The following MARCHF1 variants were observed in gnomAD, a reference collection of about 807,000 sequenced individuals.
MARCHF1 encodes E3 ubiquitin-protein ligase MARCHF1.
MARCHF1 carries 40 observed loss-of-function variants against 54.2 expected under a neutral mutation model. The observed-to-expected ratio is 0.74, with a 90% CI of 0.57 to 0.96. MARCHF1 has a LOEUF of 0.96. Ranked by LOEUF, MARCHF1 falls within the 40% of genes least tolerant of loss-of-function variation. The pLI is 0.00. For missense variants in MARCHF1, 586 were observed against 656.5 expected (o/e 0.89, Z 1.17); for synonymous variants, 236 against 236.3 (o/e 1.00, Z 0.01).
rs371959514 is a variant in MARCHF1 at position 164,355,170 on chromosome 4, G to A, written c.-323+28700C>T. Among the ~76,000 whole-genome samples, 38 of 76,314 alleles carry A rather than the reference G, an allele frequency of 5.0e-4. 11 individuals are homozygous for A. The highest frequency in any genetic ancestry group is 4.6e-3 in the East Asian group (9 of 1,948). 50.1% of individuals were successfully genotyped at this position (76,314 alleles called of 152,430 possible). ...CTCATGGGTAGGAAGAACCAATATC[G>A]TGAAAATGGCCATACTGCCCAAGGT... On this transcript the variant is annotated intron_variant, in intron 1 of 9. Coordinates refer to ENST00000514618, the MANE Select transcript of MARCHF1 (RefSeq NM_001394959.1).
intron 3 of MARCHF1, among the ~76,000 whole-genome samples, chr4:163,952,210 T>C (rs566404015): frequency 7.2e-5 from 11 of 152,216 alleles, no homozygotes; most frequent in Non-Finnish European, 1.5e-4. Flanking sequence ...TTGAGTATAG[T>C]AGATGTCATC....
At chr4:163,899,740 C>A (rs4516675) in intron 3 of MARCHF1, among the ~76,000 whole-genome samples, 93,988 of 149,274 alleles carry the variant, frequency 0.63, 30,007 homozygotes, top group Admixed American at 0.68. Context: ...GTAACATATT[C>A]ATAAACTCCC....
chr4:163,737,237 C>CT (rs1204736610), intron 4 of MARCHF1, among the ~76,000 whole-genome samples: 3 of 35,702 alleles, frequency 8.4e-5, no homozygotes, highest in Admixed American at 3.4e-4. Flanking sequence ...TTATTATACT[C>CT]TAAGTTTTAG....
intron 1 of MARCHF1, among the ~76,000 whole-genome samples, chr4:164,239,029 T>G (rs1272681610): frequency 6.6e-6 from 1 of 152,036 alleles, no homozygotes; most frequent in Non-Finnish European, 1.5e-5. Flanking sequence ...TACCTATGGA[T>G]CACCATTGTT....
Position 163,793,443 on chromosome 4 carries a change from C to A in MARCHF1, c.111+60578G>T, listed in dbSNP as rs1274158879. Among the ~76,000 whole-genome samples the A allele has an allele frequency of 2.6e-5, 4 of 152,138 alleles. No homozygotes were observed. The East Asian group carries it at 7.7e-4, about 29-fold the overall frequency. On this transcript the variant is annotated intron_variant, in intron 4 of 9. Coordinates refer to ENST00000514618, the MANE Select transcript of MARCHF1 (RefSeq NM_001394959.1). ...CTCCAATTGTGAGATTTTCCTTACCCTCCCTTGAAACACTAATCAGGATAT... is the reference window on the plus strand; with the variant it reads ...CTCCAATTGTGAGATTTTCCTTACCATCCCTTGAAACACTAATCAGGATAT...
intron 3 of MARCHF1, among the ~76,000 whole-genome samples, chr4:163,879,550 T>C (rs958357923): frequency 6.6e-6 from 1 of 152,232 alleles, no homozygotes; most frequent in Non-Finnish European, 1.5e-5. Flanking sequence ...ATATGTAAAG[T>C]ATCATTTGCT....
At chr4:164,139,674 C>T (rs981890270) in intron 1 of MARCHF1, among the ~76,000 whole-genome samples, 1 of 151,974 alleles carries the variant, frequency 6.6e-6, no homozygotes, top group Non-Finnish European at 1.5e-5. Context: ...GAGTTGCTTA[C>T]TCAGCGCAGG....
intron 1 of MARCHF1, among the ~76,000 whole-genome samples, chr4:164,307,752 CAGTT>C (rs1432996377): frequency 1.3e-5 from 2 of 152,126 alleles, no homozygotes; most frequent in African/African-American, 2.4e-5. Context: ...ATTCGTGTTA[CAGTT>C]AGTTAGGAGA....
At chr4:163,679,215 G>T (rs1744015572) in intron 5 of MARCHF1, among the ~76,000 whole-genome samples, 4 of 152,196 alleles carry the variant, frequency 2.6e-5, no homozygotes. Context: ...TGTTTGAACT[G>T]GTGGTATGGA....
intron 1 of MARCHF1, among the ~76,000 whole-genome samples, chr4:164,210,123 CAT>C (rs1731722724): frequency 6.6e-6 from 1 of 152,138 alleles, no homozygotes; most frequent in African/African-American, 2.4e-5. Context: ...CACAAACAAA[CAT>C]CACTCTGATT....
At chr4:164,061,464 T>C (rs540945501) in intron 2 of MARCHF1, among the ~76,000 whole-genome samples, 34 of 135,510 alleles carry the variant, frequency 2.5e-4, no homozygotes, top group South Asian at 9.4e-4. Flanking sequence ...AAAAGTTATA[T>C]TAACATTATA....
At chr4:163,750,182 A>G (rs1258538928) in intron 4 of MARCHF1, among the ~76,000 whole-genome samples, 2 of 152,030 alleles carry the variant, frequency 1.3e-5, no homozygotes, top group African/African-American at 4.8e-5. Context: ...CTAGGCCAAA[A>G]CACTTTGTAA....
At chr4:163,793,186 C>T (rs1747817000) in intron 4 of MARCHF1, among the ~76,000 whole-genome samples, 1 of 152,178 alleles carries the variant, frequency 6.6e-6, no homozygotes, top group Admixed American at 6.5e-5. Flanking sequence ...AAAATGTCAT[C>T]TCACTCTAGA....
At chr4:164,060,058 T>C (rs1430576709) in intron 2 of MARCHF1, among the ~76,000 whole-genome samples, 1 of 152,148 alleles carries the variant, frequency 6.6e-6, no homozygotes, top group Non-Finnish European at 1.5e-5. Flanking sequence ...GATAATTTAG[T>C]ATACAAATCA....
chr4:163,706,125 T>C (rs1744942009), intron 4 of MARCHF1, among the ~76,000 whole-genome samples: 1 of 152,096 alleles, frequency 6.6e-6, no homozygotes, highest in Non-Finnish European at 1.5e-5. Flanking sequence ...TTGCCTAAGG[T>C]CAAATTTCCT....
chr4:163,751,482 A>T (rs972376746), intron 4 of MARCHF1, among the ~76,000 whole-genome samples: 3 of 152,146 alleles, frequency 2.0e-5, no homozygotes, highest in African/African-American at 4.8e-5. Flanking sequence ...ATATAGAAAA[A>T]AAGATTATGT....
At chr4:163,690,603 T>C (rs1355887743) in intron 5 of MARCHF1, among the ~76,000 whole-genome samples, 1 of 152,202 alleles carries the variant, frequency 6.6e-6, no homozygotes, top group Non-Finnish European at 1.5e-5. Context: ...AGAAGCTGAA[T>C]GTGGACTAAT....
intron 5 of MARCHF1, among the ~76,000 whole-genome samples, chr4:163,679,879 G>A (rs990635897): frequency 6.6e-6 from 1 of 151,682 alleles, no homozygotes; most frequent in Admixed American, 6.6e-5. Flanking sequence ...GGATTACAGG[G>A]GTGAGCCACC....
At chr4:163,564,549 T>G (rs1032883514) in intron 8 of MARCHF1, among the ~76,000 whole-genome samples, 1 of 152,208 alleles carries the variant, frequency 6.6e-6, no homozygotes, top group African/African-American at 2.4e-5. Context: ...CTACCTTTTA[T>G]GTAATCAGTT....
Sources: gnomAD v4.1 joint callset for allele counts (sites outside exome capture counted in the v4.1 genomes callset) on GRCh38, gnomAD v4.1.1 for gene constraint, MANE v1.5 for transcripts, NCBI Gene and HGNC (gene_info 2026-07-23, HGNC 2026-07-21) for gene names.